Variants in NBR1 observed in about 807,000 individuals in gnomAD.
NBR1 encodes the protein NBR1 autophagy cargo receptor.
NBR1 carries 59 observed loss-of-function variants against 115.5 expected under a neutral mutation model. The ratio of observed to expected loss-of-function variants is 0.51; its 90% CI spans 0.41 to 0.63. The LOEUF (loss-of-function observed/expected upper bound fraction) is 0.63. Among genes scored for constraint, NBR1 ranks in the 30% least tolerant of loss-of-function variants. The probability of loss-of-function intolerance (pLI) is 0.00; values close to 1 mark genes in which losing one functional copy is unlikely to be tolerated. For missense variants in NBR1, 1,043 were observed against 1,150.5 expected (o/e 0.91, Z 1.35); for synonymous variants, 373 against 414.7 (o/e 0.90, Z 1.22).
chr17:43,189,239 A>G (rs988028756), intron 7 of NBR1, 120 bp downstream of exon 7: 1 of 751,680 alleles, frequency 1.3e-6, no homozygotes, highest in Non-Finnish European at 2.4e-6. Flanking sequence ...GTGGTAGCTT[A>G]TAATTTCCAA....
chr17:43,190,703 G>T lies in NBR1; in HGVS notation c.790G>T (p.Val264Leu). Residue 264 changes from valine (V) to leucine (L), a missense_variant, in exon 9 of 21, where the codon GTG (valine) becomes TTG (leucine). Coordinates refer to ENST00000590996, the MANE Select transcript of NBR1 (RefSeq NM_005899.5). The part of the protein sequence containing the change: ...HVLLKLRRPV[V>L]GSSEPFCHSK... ...CCTGCTGAAGTTGCGGAGACCTGTT[G>T]TGGGCTCCTCTGAACCGTTCTGTCA... The T allele has an allele frequency of 4.3e-6, 7 of 1,613,994 alleles. No individual in the cohort carries two copies. Among genetic ancestry groups the T allele is most frequent in the Non-Finnish European group, 5.9e-6 (7 of 1,179,874 alleles).
chr17:43,176,910 T>C (rs1435901819), intron 2 of NBR1, among the ~76,000 whole-genome samples: 3 of 152,104 alleles, frequency 2.0e-5, no homozygotes, highest in African/African-American at 7.2e-5. Flanking sequence ...GGGTAACCAA[T>C]GTTAACAGCC....
At chr17:43,207,104 C>G (rs1158606523) in intron 20 of NBR1, among the ~76,000 whole-genome samples, 1 of 152,118 alleles carries the variant, frequency 6.6e-6, no homozygotes, top group East Asian at 1.9e-4. Context: ...TCCCAAGTTT[C>G]TGGCTTAGTA....
chr17:43,209,577 A>C, intron 20 of NBR1: 2 of 1,530,338 alleles, frequency 1.3e-6, no homozygotes, highest in Non-Finnish European at 1.8e-6. Context: ...GCTTGCTGTC[A>C]TTCCTTCATC....
Position 43,176,042 on chromosome 17 carries a change from A to T in NBR1, c.102+141A>T, listed in dbSNP as rs191759055. ...TGGGCCTTTTGGAAAATTGCTTTTG[A>T]TAGGGTTTCAGTATTCATATATGAG... On this transcript the variant is annotated intron_variant, in intron 2 of 20. Coordinates refer to ENST00000590996, the MANE Select transcript of NBR1 (RefSeq NM_005899.5). 57 of 558,866 alleles carry T rather than the reference A, an allele frequency of 1.0e-4. No homozygotes were observed. In the Middle Eastern group the frequency reaches 1.9e-3, roughly 19 times the overall value. 34.6% of individuals were successfully genotyped at this position (558,866 alleles called of 1,614,324 possible).
chr17:43,200,054 C>G, intron 16 of NBR1, 113 bp from the exon 17 acceptor site: 3 of 853,562 alleles, frequency 3.5e-6, no homozygotes, highest in Non-Finnish European at 5.4e-6. Context: ...GTTCTTCCCT[C>G]TCCTCTGGCT....
In NBR1 at chr17:43,177,298, C is replaced by T. The variant is rs989301936; in HGVS notation, c.103-638C>T. On this transcript the variant is annotated intron_variant, in intron 2 of 20. Coordinates refer to ENST00000590996, the MANE Select transcript of NBR1 (RefSeq NM_005899.5). ...AAAAAAAAAAAAAAAAGATATTTTT[C>T]GTTTTTTTTTTTTCTTATCTTGAAA... Among the ~76,000 whole-genome samples the T allele has an allele frequency of 7.2e-5, 10 of 138,370 alleles. 1 individual carries two copies. The East Asian group carries it at 2.0e-3, about 28-fold the overall frequency. 90.8% of individuals were successfully genotyped at this position (138,370 alleles called of 152,430 possible).
At position 43,210,486 on chromosome 17, in the gene NBR1, A is replaced by T. The variant is rs1032289272; in HGVS notation, c.*412A>T. The T allele has an allele frequency of 2.5e-6, 1 of 397,344 alleles. No homozygotes were observed. The highest frequency in any genetic ancestry group is 2.1e-5 in the African/African-American group (1 of 48,582). 24.6% of individuals were successfully genotyped at this position (397,344 alleles called of 1,614,324 possible). Reference sequence around the variant, plus strand: ...ATTAACCTCGGAAGTTGTTTTTAAGAATTATTCTCATAATTCTTATTCTCA... The same window carrying T: ...ATTAACCTCGGAAGTTGTTTTTAAGTATTATTCTCATAATTCTTATTCTCA... On this transcript the variant is annotated 3_prime_UTR_variant, in exon 21 of 21. Transcript: ENST00000590996.
intron 1 of NBR1, among the ~76,000 whole-genome samples, chr17:43,172,645 T>G: frequency 6.6e-6 from 1 of 152,094 alleles, no homozygotes; most frequent in African/African-American, 2.4e-5. Context: ...GAGACTAATA[T>G]TATTTTGGTG....
chr17:43,184,757 T>A (rs1340912398), intron 5 of NBR1, among the ~76,000 whole-genome samples: 1 of 152,154 alleles, frequency 6.6e-6, no homozygotes, highest in Admixed American at 6.6e-5. Flanking sequence ...ATTAACCTTT[T>A]TGGAAACCTG....
chr17:43,182,298 A>G lies in NBR1; in HGVS notation c.207+1481A>G, dbSNP rs148989444. Among the ~76,000 whole-genome samples the G allele has an allele frequency of 6.4e-3, 916 of 143,062 alleles. 5 individuals are homozygous for G. Among genetic ancestry groups the G allele is most frequent in the Non-Finnish European group, 9.8e-3 (652 of 66,632 alleles). The allele number at this position is 143,062 out of a possible 152,430, so 93.9% of individuals were successfully genotyped here. A position where few individuals can be genotyped will look rare whatever the true frequency, so the allele number is the denominator to read the frequency against. On this transcript the variant is annotated intron_variant, in intron 5 of 20. Transcript: ENST00000590996. ...GGTGGCGCAATCTTGGCTCACTGCA[A>G]CCTCCACCTCTGGGGTTCAAGTGAG...
At position 43,203,770 on chromosome 17, in the gene NBR1, C is replaced by A; in HGVS notation, c.2711C>A (p.Pro904Gln). 2 of 1,597,164 alleles carry A rather than the reference C, an allele frequency of 1.3e-6. No homozygotes were observed. Among genetic ancestry groups the A allele is most frequent in the Non-Finnish European group, 8.5e-7 (1 of 1,170,596 alleles). ...GCATACAAGGCCCTGTTTGCTGGGC[C>A]ACCAGTCACTGCACAGGTCAGTGTG... Reference protein sequence around the residue: ...ASAYKALFAGPPVTAQPIISE... With the variant: ...ASAYKALFAGQPVTAQPIISE... The change falls in exon 20 of 21, where the codon CCA becomes CAA. Residue 904 changes from proline (P) to glutamine (Q), a missense_variant. Coordinates refer to ENST00000590996, the MANE Select transcript of NBR1 (RefSeq NM_005899.5).
intron 1 of NBR1, among the ~76,000 whole-genome samples, chr17:43,173,855 C>T (rs1483332423): frequency 6.7e-6 from 1 of 149,006 alleles, no homozygotes; most frequent in African/African-American, 2.5e-5. Flanking sequence ...CCGCAGACCA[C>T]GCTGTAAATC....
At chr17:43,190,500 G>A (rs191369682) in intron 8 of NBR1, 109 bp from the exon 9 acceptor site, 328 of 1,225,154 alleles carry the variant, frequency 2.7e-4, no homozygotes, top group Non-Finnish European at 3.8e-4. Context: ...GCATGCTCAG[G>A]TTACCTGCTA....
At chr17:43,181,380 A>G (rs2056659788) in intron 5 of NBR1, among the ~76,000 whole-genome samples, 1 of 152,198 alleles carries the variant, frequency 6.6e-6, no homozygotes, top group African/African-American at 2.4e-5. Context: ...GTTTAAAAAT[A>G]CAAATAACTG....
intron 20 of NBR1, among the ~76,000 whole-genome samples, chr17:43,206,002 A>G (rs984520758): frequency 2.0e-5 from 3 of 151,392 alleles, no homozygotes; most frequent in African/African-American, 7.3e-5. Flanking sequence ...ACATGGTGAA[A>G]CCCCATCTCT....
At chr17:43,197,377 G>A (rs538464839) in intron 16 of NBR1, among the ~76,000 whole-genome samples, 1 of 152,090 alleles carries the variant, frequency 6.6e-6, no homozygotes, top group African/African-American at 2.4e-5. Context: ...AAATTAGCCT[G>A]GCGACGTGGC....
At chr17:43,204,025 C>T (rs140827633) in intron 20 of NBR1, among the ~76,000 whole-genome samples, 1,847 of 151,868 alleles carry the variant, frequency 0.012, 24 homozygotes, top group Non-Finnish European at 0.017. Context: ...GCAAGCTCCA[C>T]CTCCTGGGTT....
intron 17 of NBR1, among the ~76,000 whole-genome samples, chr17:43,200,973 A>G (rs1433505988): frequency 1.3e-5 from 2 of 151,784 alleles, no homozygotes; most frequent in African/African-American, 4.8e-5. Context: ...GGCTCAAGCA[A>G]TCTTCCCACC....
Sources: gnomAD v4.1 joint callset for allele counts (sites outside exome capture counted in the v4.1 genomes callset) on GRCh38, gnomAD v4.1.1 for gene constraint, MANE v1.5 for transcripts, NCBI Gene and HGNC (gene_info 2026-07-23, HGNC 2026-07-21) for gene names.